Variants in ZMYM5 observed in about 807,000 individuals in gnomAD.
The protein encoded by ZMYM5 is zinc finger MYM-type containing 5, also known as zinc finger MYM-type protein 5.
In ZMYM5, 41 loss-of-function variants were observed where a neutral mutation model predicts 61.8. The observed-to-expected ratio is 0.66, with a 90% CI of 0.52 to 0.86. ZMYM5 has a LOEUF of 0.86. Ranked by LOEUF, ZMYM5 falls within the 40% of genes least tolerant of loss-of-function variation. ZMYM5 has a pLI of 0.00. For synonymous variants in ZMYM5, 257 were observed against 276.4 expected, an observed-to-expected ratio of 0.93 and a Z score of 0.70; for missense variants, 706 against 786.7, an observed-to-expected ratio of 0.90 and a Z score of 1.23.
chr13:19,846,748 T>TC (rs982339651), intron 4 of ZMYM5, among the ~76,000 whole-genome samples: 21 of 148,644 alleles, frequency 1.4e-4, no homozygotes, highest in Non-Finnish European at 2.7e-4. Context: ...CCAAATACAG[T>TC]CCCCCCCTTT....
intron 5 of ZMYM5, 142 bp downstream of exon 5, chr13:19,838,558 T>C: frequency 9.6e-7 from 1 of 1,045,464 alleles, no homozygotes. Flanking sequence ...GGATATATTC[T>C]AGGAGCTCAA....
chr13:19,842,984 A>G (rs1347005649), intron 4 of ZMYM5, among the ~76,000 whole-genome samples: 3 of 136,686 alleles, frequency 2.2e-5, no homozygotes, highest in Non-Finnish European at 4.9e-5. Flanking sequence ...AAAAAAAAAA[A>G]AAGTTTTTTT....
chr13:19,849,412 C>G (rs938642629), intron 4 of ZMYM5, among the ~76,000 whole-genome samples: 2 of 152,178 alleles, frequency 1.3e-5, no homozygotes, highest in Admixed American at 1.3e-4. Context: ...GGGTGTGCCA[C>G]TGCACCCAGC....
intron 2 of ZMYM5, among the ~76,000 whole-genome samples, chr13:19,853,766 G>GC: frequency 6.6e-6 from 1 of 151,924 alleles, no homozygotes; most frequent in South Asian, 2.1e-4. Flanking sequence ...ATTTTTGCTA[G>GC]CGACAGGGTT....
intron 7 of ZMYM5, among the ~76,000 whole-genome samples, chr13:19,830,497 T>C (rs1003786786): frequency 6.6e-6 from 1 of 151,894 alleles, no homozygotes; most frequent in African/African-American, 2.4e-5. Context: ...ACCTCAGCTT[T>C]CCAAGTACCT....
intron 2 of ZMYM5, among the ~76,000 whole-genome samples, chr13:19,862,020 G>A (rs776769363): frequency 6.6e-6 from 1 of 152,118 alleles, no homozygotes; most frequent in Admixed American, 6.6e-5. Flanking sequence ...ATAAATAACA[G>A]TCTTCCTCAA....
chr13:19,824,861 C>A lies in ZMYM5; in HGVS notation c.1626G>T (p.Pro542=), dbSNP rs369665164. Residue 542 remains proline (P), a synonymous_variant, in exon 8 of 8, where the codon CCG becomes CCT. Transcript: ENST00000337963. ...KQRDTLVENV[P]PQVRNFNFPK... is the part of the protein sequence containing the mutation. Reference sequence around the variant, plus strand: ...GAAAGTTAAAATTTCTTACTTGAGGCGGAACATTTTCAACAAGAGTGTCCC... The same window carrying A: ...GAAAGTTAAAATTTCTTACTTGAGGAGGAACATTTTCAACAAGAGTGTCCC... 4.4e-5 allele frequency: 60 copies of A among 1,353,098 alleles called. 1 individual carries two copies. The African/African-American group carries it at 7.1e-4, about 16-fold the overall frequency. 83.8% of individuals were successfully genotyped at this position (1,353,098 alleles called of 1,614,324 possible). A position where few individuals can be genotyped will look rare whatever the true frequency, so the allele number is the denominator to read the frequency against.
At chr13:19,833,503 T>C (rs1377150523) in intron 7 of ZMYM5, among the ~76,000 whole-genome samples, 3 of 152,204 alleles carry the variant, frequency 2.0e-5, no homozygotes, top group Non-Finnish European at 4.4e-5. Flanking sequence ...TTTGTTTATA[T>C]ACCAAACCAT....
intron 4 of ZMYM5, among the ~76,000 whole-genome samples, chr13:19,849,688 G>A (rs975454021): frequency 6.6e-6 from 1 of 151,906 alleles, no homozygotes; most frequent in Non-Finnish European, 1.5e-5. Flanking sequence ...TAAAAATAAG[G>A]AAAAAAGTTG....
At chr13:19,835,393 T>G (rs1177650430) in intron 7 of ZMYM5, 84 bp downstream of exon 7, 1 of 945,944 alleles carries the variant, frequency 1.1e-6, no homozygotes, top group Admixed American at 2.7e-5. Context: ...TTAAATGAGA[T>G]TCTAAGATAA....
intron 2 of ZMYM5, among the ~76,000 whole-genome samples, chr13:19,858,406 G>A (rs1324806017): frequency 4.0e-5 from 6 of 151,532 alleles, no homozygotes; most frequent in African/African-American, 7.3e-5. Context: ...GCAACATGGC[G>A]AAACCTTGTC....
chr13:19,831,770 A>G (rs1465896739), intron 7 of ZMYM5, among the ~76,000 whole-genome samples: 2 of 116,534 alleles, frequency 1.7e-5, no homozygotes, highest in African/African-American at 6.3e-5. Flanking sequence ...CCTGGGTGAC[A>G]GAGAGAGACT....
At chr13:19,825,586 G>A (rs1460717423) in intron 7 of ZMYM5, among the ~76,000 whole-genome samples, 1 of 151,852 alleles carries the variant, frequency 6.6e-6, no homozygotes, top group Non-Finnish European at 1.5e-5. Context: ...GGCAGAGGTT[G>A]AGCTGAGCTG....
At chr13:19,846,680 A>G (rs1953083579) in intron 4 of ZMYM5, among the ~76,000 whole-genome samples, 1 of 152,138 alleles carries the variant, frequency 6.6e-6, no homozygotes, top group Non-Finnish European at 1.5e-5. Flanking sequence ...TGTTATTAAT[A>G]CAAAGGTTAA....
intron 2 of ZMYM5, among the ~76,000 whole-genome samples, chr13:19,854,465 A>T (rs1220874319): frequency 6.6e-6 from 1 of 152,158 alleles, no homozygotes; most frequent in East Asian, 1.9e-4. Context: ...TCTCTACTAA[A>T]AATACAAAAA....
In ZMYM5 at chr13:19,824,364, C is replaced by A. The variant is rs1305833336; in HGVS notation, c.*113G>T. ...CATACTTATTGCTAAGGAACTGCTG[C>A]AAGTTACTCTGTAGAGGAGACTTAC... On this transcript the variant is annotated 3_prime_UTR_variant, in exon 8 of 8. Transcript: ENST00000337963. 1.1e-6 allele frequency: 1 copy of A among 908,936 alleles called. No individual in the cohort carries two copies. The allele number at this position is 908,936 out of a possible 1,614,324, so 56.3% of individuals were successfully genotyped here. A position where few individuals can be genotyped will look rare whatever the true frequency, so the allele number is the denominator to read the frequency against.
chr13:19,848,846 T>G (rs1953179378), intron 4 of ZMYM5, among the ~76,000 whole-genome samples: 1 of 152,130 alleles, frequency 6.6e-6, no homozygotes, highest in South Asian at 2.1e-4. Flanking sequence ...CACCTCAGCC[T>G]CTTGAATAGC....
At chr13:19,839,974 A>G (rs1249759697) in intron 4 of ZMYM5, among the ~76,000 whole-genome samples, 1 of 152,212 alleles carries the variant, frequency 6.6e-6, no homozygotes, top group Non-Finnish European at 1.5e-5. Context: ...TCCTTCTCAA[A>G]CTTTATTGTG....
At chr13:19,827,535 T>G (rs1890970453) in intron 7 of ZMYM5, among the ~76,000 whole-genome samples, 1 of 152,204 alleles carries the variant, frequency 6.6e-6, no homozygotes, top group African/African-American at 2.4e-5. Context: ...GTTGCTAGAT[T>G]AACACTGTAA....
Sources: allele counts gnomAD v4.1 joint callset (sites outside exome capture counted in the v4.1 genomes callset), GRCh38; gene constraint gnomAD v4.1.1; transcripts MANE v1.5; gene names NCBI Gene and HGNC (gene_info 2026-07-23, HGNC 2026-07-21).